The following NDST4 variants were observed in gnomAD, a reference collection of about 807,000 sequenced individuals.
NDST4 encodes the protein N-heparan sulfate sulfotransferase 4.
In NDST4, 63 loss-of-function variants were observed where a neutral mutation model predicts 100.8. That is an observed-to-expected ratio of 0.62 (90% CI 0.51 to 0.77). The LOEUF is 0.77. Among genes scored for constraint, NDST4 ranks in the 30% least tolerant of loss-of-function variants. The pLI is 0.00. For synonymous variants in NDST4, 377 were observed against 361.8 expected (o/e 1.04, Z -0.48); for missense variants, 943 against 1,018.4 (o/e 0.93, Z 1.01).
At chr4:115,085,120 T>A (rs1193119279) in intron 1 of NDST4, among the ~76,000 whole-genome samples, 4 of 152,062 alleles carry the variant, frequency 2.6e-5, no homozygotes, top group Non-Finnish European at 4.4e-5. Context: ...AGACATGGAG[T>A]CAAAGGAGAT....
chr4:115,020,133 G>C (rs1420980009), intron 2 of NDST4, among the ~76,000 whole-genome samples: 1 of 152,126 alleles, frequency 6.6e-6, no homozygotes, highest in African/African-American at 2.4e-5. Flanking sequence ...GCAGCATTAA[G>C]TGCAATTCTG....
intron 1 of NDST4, among the ~76,000 whole-genome samples, chr4:115,080,197 C>T (rs1729271415): frequency 6.6e-6 from 1 of 152,074 alleles, no homozygotes; most frequent in Admixed American, 6.5e-5. Context: ...AGTGCAGTGG[C>T]CTGATCTGGG....
At chr4:115,088,022 T>C (rs581288) in intron 1 of NDST4, among the ~76,000 whole-genome samples, 32,297 of 151,792 alleles carry the variant, frequency 0.21, 4,412 homozygotes, top group East Asian at 0.46. Context: ...ATGATAGTTA[T>C]AATAAAAGGG....
chr4:114,998,765 C>T (rs1201881061), intron 2 of NDST4, among the ~76,000 whole-genome samples: 1 of 151,974 alleles, frequency 6.6e-6, no homozygotes, highest in Admixed American at 6.6e-5. Context: ...TGGGAAACTG[C>T]TTCATGGTAT....
At chr4:115,055,448 G>C (rs1361316193) in intron 2 of NDST4, among the ~76,000 whole-genome samples, 1 of 151,978 alleles carries the variant, frequency 6.6e-6, no homozygotes, top group African/African-American at 2.4e-5. Context: ...TAAATATAAA[G>C]TTGGCACACA....
At chr4:114,972,614 G>A (rs1446726688) in intron 3 of NDST4, among the ~76,000 whole-genome samples, 1 of 151,922 alleles carries the variant, frequency 6.6e-6, no homozygotes, top group Non-Finnish European at 1.5e-5. Flanking sequence ...TGTTTCTCAT[G>A]GTCATATTTT....
intron 2 of NDST4, among the ~76,000 whole-genome samples, chr4:115,044,054 A>G (rs1728409753): frequency 6.6e-6 from 1 of 152,208 alleles, no homozygotes; most frequent in East Asian, 1.9e-4. Context: ...TATTTGATGC[A>G]TCCTGTTTAA....
rs1723114974 is a variant in NDST4, at chr4:114,827,954, G to A, written c.2500-19C>T. The A allele has an allele frequency of 1.9e-6, 3 of 1,575,804 alleles. No homozygotes were observed. The highest frequency in any genetic ancestry group is 2.6e-6 in the Non-Finnish European group (3 of 1,168,270). ...TTCTAGACTGGAAAGAAAAAAAGAA[G>A]AACTTGAAAGAAGCTCTTTGTTTCA... On this transcript the variant is annotated intron_variant, in intron 13 of 13. Coordinates refer to ENST00000264363, the MANE Select transcript of NDST4 (RefSeq NM_022569.3).
At chr4:114,940,252 T>C (rs1170182874) in intron 4 of NDST4, among the ~76,000 whole-genome samples, 1 of 152,238 alleles carries the variant, frequency 6.6e-6, no homozygotes, top group African/African-American at 2.4e-5. Context: ...TGACTTGATC[T>C]AATGTTTCCA....
At chr4:114,888,487 C>G (rs921650880) in intron 6 of NDST4, among the ~76,000 whole-genome samples, 1 of 152,158 alleles carries the variant, frequency 6.6e-6, no homozygotes, top group African/African-American at 2.4e-5. Context: ...CAAAGTAGCT[C>G]TTATATGCTA....
At chr4:114,842,518 G>A (rs557280168) in intron 10 of NDST4, among the ~76,000 whole-genome samples, 4 of 150,796 alleles carry the variant, frequency 2.7e-5, no homozygotes, top group African/African-American at 4.9e-5. Context: ...GTGGCAGGGC[G>A]CGGTGGCTCA....
At chr4:114,917,305 G>C (rs1194626497) in intron 6 of NDST4, among the ~76,000 whole-genome samples, 2 of 152,068 alleles carry the variant, frequency 1.3e-5, no homozygotes. Context: ...CTATGAATGT[G>C]GTACTCATAT....
At chr4:115,104,058 A>G (rs1157792053) in intron 1 of NDST4, among the ~76,000 whole-genome samples, 2 of 152,182 alleles carry the variant, frequency 1.3e-5, no homozygotes, top group South Asian at 2.1e-4. Context: ...GGTGGAAAAT[A>G]CTGGGAGATT....
chr4:114,944,842 C>T (rs1329381311), intron 4 of NDST4, among the ~76,000 whole-genome samples: 1 of 152,046 alleles, frequency 6.6e-6, no homozygotes, highest in Non-Finnish European at 1.5e-5. Flanking sequence ...GCACAAACAC[C>T]ACCCCGGTGC....
intron 2 of NDST4, among the ~76,000 whole-genome samples, chr4:115,038,056 A>C (rs952184082): frequency 1.3e-5 from 2 of 152,202 alleles, no homozygotes; most frequent in Non-Finnish European, 2.9e-5. Context: ...TACACTGTGC[A>C]TTTTGTGAGT....
At chr4:115,041,482 A>T (rs1219991140) in intron 2 of NDST4, among the ~76,000 whole-genome samples, 1 of 152,114 alleles carries the variant, frequency 6.6e-6, no homozygotes, top group Non-Finnish European at 1.5e-5. Flanking sequence ...TCAATATTAA[A>T]TATGGATATG....
chr4:114,850,746 T>C (rs1306238412), intron 8 of NDST4, among the ~76,000 whole-genome samples: 1 of 152,190 alleles, frequency 6.6e-6, no homozygotes, highest in Non-Finnish European at 1.5e-5. Flanking sequence ...TTCTGAAAGA[T>C]CTAAGGCCAA....
chr4:114,982,044 T>A (rs1401569308), intron 2 of NDST4, among the ~76,000 whole-genome samples: 1 of 152,128 alleles, frequency 6.6e-6, no homozygotes, highest in African/African-American at 2.4e-5. Flanking sequence ...CTCTCTCTCT[T>A]CCTGTGAGTC....
At chr4:114,854,287 G>T (rs1288402294) in intron 7 of NDST4, among the ~76,000 whole-genome samples, 1 of 152,156 alleles carries the variant, frequency 6.6e-6, no homozygotes, top group East Asian at 1.9e-4. Flanking sequence ...TTCATCCATG[G>T]TGTTGAAAAT....
Sources: allele counts gnomAD v4.1 joint callset (sites outside exome capture counted in the v4.1 genomes callset), GRCh38; gene constraint gnomAD v4.1.1; transcripts MANE v1.5; gene names NCBI Gene and HGNC (gene_info 2026-07-23, HGNC 2026-07-21).